Variants in CDH22 observed in about 807,000 individuals in gnomAD.
CDH22 encodes cadherin 22.
Under a neutral mutation model 58.4 loss-of-function variants are expected in CDH22, and 30 were observed. That is an observed-to-expected ratio of 0.51 (90% CI 0.38 to 0.70). The LOEUF (loss-of-function observed/expected upper bound fraction) is 0.70, where lower values mean the gene tolerates loss of function less well. Ranked by LOEUF, CDH22 falls within the 30% of genes least tolerant of loss-of-function variation. CDH22 has a pLI of 0.00. For missense variants in CDH22, 1,014 were observed against 1,233.9 expected, an observed-to-expected ratio of 0.82 and a Z score of 2.67; for synonymous variants, 513 against 558.2, an observed-to-expected ratio of 0.92 and a Z score of 1.14.
At chr20:46,200,239 GC>G (rs560457757) in intron 7 of CDH22, among the ~76,000 whole-genome samples, 523 of 152,110 alleles carry the variant, frequency 3.4e-3, no homozygotes, top group East Asian at 7.2e-3. Context: ...CTCCCAAAGT[GC>G]CTGGGATTAC....
At chr20:46,307,991 G>A (rs57643067) in intron 1 of CDH22, among the ~76,000 whole-genome samples, 2,219 of 151,840 alleles carry the variant, frequency 0.015, 62 homozygotes, top group African/African-American at 0.048. Flanking sequence ...GGACGGGTGG[G>A]AGCTGCGGGC....
intron 11 of CDH22, among the ~76,000 whole-genome samples, chr20:46,177,307 A>C (rs538262765): frequency 6.6e-6 from 1 of 152,300 alleles, no homozygotes; most frequent in East Asian, 1.9e-4. Flanking sequence ...GGCCATTCAA[A>C]TCCAGGTTAG....
intron 4 of CDH22, 68 bp from the exon 5 acceptor site, chr20:46,217,061 A>G (rs933956505): frequency 1.3e-6 from 2 of 1,489,294 alleles, no homozygotes; most frequent in African/African-American, 2.8e-5. Flanking sequence ...AGACCCCTGT[A>G]CAGGCGGGAT....
chr20:46,218,929 C>A (rs973871632), intron 4 of CDH22, among the ~76,000 whole-genome samples: 6 of 152,154 alleles, frequency 3.9e-5, no homozygotes, highest in Admixed American at 3.9e-4. Flanking sequence ...GGCCTGTGCG[C>A]CAGGTGGAGT....
rs143303131 is a variant in CDH22, at chr20:46,267,317, C to T, written c.-399-15624G>A. On this transcript the variant is annotated intron_variant, in intron 1 of 11. Coordinates refer to ENST00000537909, the MANE Select transcript of CDH22 (RefSeq NM_021248.3). ...GGTACACTAACTGTGTGCCCAGCCCCGAGCCAACTGCTACATGTTTTCACA... is the reference window on the plus strand; with the variant it reads ...GGTACACTAACTGTGTGCCCAGCCCTGAGCCAACTGCTACATGTTTTCACA... Among the ~76,000 whole-genome samples the T allele has an allele frequency of 2.0e-4, 30 of 152,284 alleles. No individual in the cohort carries two copies. In the East Asian group the frequency reaches 5.2e-3, roughly 26 times the overall value.
At chr20:46,209,526 C>T (rs565932884) in intron 7 of CDH22, among the ~76,000 whole-genome samples, 38 of 152,048 alleles carry the variant, frequency 2.5e-4, no homozygotes, top group Non-Finnish European at 4.9e-4. Context: ...CTGGCTCCTG[C>T]AACAATTCTA....
rs373749171 is a variant in CDH22, at chr20:46,253,535, T to C, written c.-399-1842A>G. ...AACATACCCTGCCTGGTATGACTTC[T>C]ATGGGCCTGGGCACGAGGCTTCCCA... On this transcript the variant is annotated intron_variant, in intron 1 of 11. Transcript: ENST00000537909. 4.7e-4 allele frequency among the ~76,000 whole-genome samples: 71 copies of C among 152,280 alleles called. No homozygotes were observed. The East Asian group carries it at 0.012, about 25-fold the overall frequency.
In CDH22 at chr20:46,204,166, G is replaced by A. The variant is rs139125411; in HGVS notation, c.1287-4607C>T. Among the ~76,000 whole-genome samples the A allele has an allele frequency of 9.5e-3, 1,439 of 152,086 alleles. 21 individuals carry two copies. Among genetic ancestry groups the A allele is most frequent in the African/African-American group, 0.033 (1,368 of 41,454 alleles). On this transcript the variant is annotated intron_variant, in intron 7 of 11. Coordinates refer to ENST00000537909, the MANE Select transcript of CDH22 (RefSeq NM_021248.3). ...TCCCAGCACTTTGGGAGGCTGAGGC[G>A]GGAGGATCACGAGGTCAGGAGTTTG...
chr20:46,268,015 C>G (rs373196627), intron 1 of CDH22, among the ~76,000 whole-genome samples: 1 of 152,264 alleles, frequency 6.6e-6, no homozygotes, highest in Non-Finnish European at 1.5e-5. Context: ...TGCTCCAAAT[C>G]GAGCAAGGGG....
intron 1 of CDH22, among the ~76,000 whole-genome samples, chr20:46,282,737 GTGAGTTCT>G (rs2086556683): frequency 1.3e-5 from 2 of 152,094 alleles, no homozygotes; most frequent in Non-Finnish European, 2.9e-5. Context: ...GCCTCCCCCA[GTGAGTTCT>G]CCCCCGGGGG....
chr20:46,258,740 G>A (rs1009115027), intron 1 of CDH22, among the ~76,000 whole-genome samples: 2 of 152,244 alleles, frequency 1.3e-5, no homozygotes, highest in South Asian at 2.1e-4. Context: ...GGCAGTCACC[G>A]AGCACCTGCT....
In CDH22 at chr20:46,227,523, C is replaced by G; in HGVS notation, c.655G>C (p.Val219Leu). ...TGCCCCTCACCGGTCTTGGGGTCCA[C>G]GGTGAAGTGGTGCTCGCCGTCCAGC... ...SVLDGEHHFT[V>L]DPKTGVIRTA... Residue 219 changes from valine (V) to leucine (L), a missense_variant, in exon 4 of 12, where the codon GTG (valine) becomes CTG (leucine). Val to Leu is a conservative substitution (Grantham distance 32). Transcript: ENST00000537909. 1 of 1,606,780 alleles carries G rather than the reference C, an allele frequency of 6.2e-7. No individual in the cohort carries two copies. The highest frequency in any genetic ancestry group is 8.5e-7 in the Non-Finnish European group (1 of 1,178,160).
intron 7 of CDH22, among the ~76,000 whole-genome samples, chr20:46,207,405 G>A (rs900622942): frequency 5.9e-5 from 9 of 152,164 alleles, no homozygotes; most frequent in Non-Finnish European, 4.4e-5. Flanking sequence ...TACCTCCCTG[G>A]GAGAGCCTGC....
rs1169359454 is a variant in CDH22, at chr20:46,308,012, G to A, written c.-400+243C>T. ...GTGGGAGCTGCGGGCTTCGGGCCGA[G>A]AGGCGGCTCGGCTCCGCGCCGGGGA... is the stretch of plus-strand genomic sequence containing the variant. On this transcript the variant is annotated intron_variant, in intron 1 of 11. Coordinates refer to ENST00000537909, the MANE Select transcript of CDH22 (RefSeq NM_021248.3). This position sits in a 1 kb window ranked among gnomAD's most constrained non-coding sequence, Gnocchi z 4.3. Among the ~76,000 whole-genome samples the A allele has an allele frequency of 6.6e-6, 1 of 151,736 alleles. No homozygotes were observed. The highest frequency in any genetic ancestry group is 1.5e-5 in the Non-Finnish European group (1 of 67,830).
At chr20:46,223,953 AG>A (rs1165019232) in intron 4 of CDH22, among the ~76,000 whole-genome samples, 1 of 151,840 alleles carries the variant, frequency 6.6e-6, no homozygotes, top group African/African-American at 2.4e-5. Flanking sequence ...TCCTGGGTTC[AG>A]GCAATTCTCC....
At chr20:46,267,715 C>T (rs6094270) in intron 1 of CDH22, among the ~76,000 whole-genome samples, 7,804 of 152,352 alleles carry the variant, frequency 0.051, 364 homozygotes, top group East Asian at 0.24. Context: ...TCTTCCCTTC[C>T]TGCACCTCAG....
At chr20:46,224,903 A>G (rs1362446008) in intron 4 of CDH22, among the ~76,000 whole-genome samples, 5 of 152,218 alleles carry the variant, frequency 3.3e-5, no homozygotes, top group African/African-American at 7.2e-5. Context: ...CTGTCAAGAA[A>G]GGGCGCAGGC....
At chr20:46,242,800 G>A (rs1257351905) in intron 2 of CDH22, among the ~76,000 whole-genome samples, 1 of 152,178 alleles carries the variant, frequency 6.6e-6, no homozygotes, top group African/African-American at 2.4e-5. Context: ...GACATAATAA[G>A]TGCCCAACAG....
chr20:46,232,075 G>T (rs896180307), intron 3 of CDH22, among the ~76,000 whole-genome samples: 2 of 152,200 alleles, frequency 1.3e-5, no homozygotes, highest in Non-Finnish European at 2.9e-5. Context: ...GAGGGGGCTT[G>T]CCTACTCCTC....
Sources: gnomAD v4.1 joint callset for allele counts (sites outside exome capture counted in the v4.1 genomes callset) on GRCh38, gnomAD v4.1.1 for gene constraint, Gnocchi (gnomAD v3.1) non-coding constraint, MANE v1.5 for transcripts, NCBI Gene and HGNC (gene_info 2026-07-23, HGNC 2026-07-21) for gene names.